Variants in SPTBN4 observed in about 807,000 individuals in gnomAD.
SPTBN4 encodes the protein spectrin beta, non-erythrocytic 4.
A neutral mutation model predicts 277.8 loss-of-function variants in SPTBN4; 96 were observed. The observed-to-expected ratio is 0.35, with a 90% CI of 0.29 to 0.41. SPTBN4 has a LOEUF of 0.41. Among genes scored for constraint, SPTBN4 ranks in the 10% least tolerant of loss-of-function variants. SPTBN4 has a pLI of 1.00. For synonymous variants in SPTBN4, 1,481 were observed against 1,580.3 expected (o/e 0.94, Z 1.49); for missense variants, 3,006 against 3,595.7 (o/e 0.84, Z 4.19).
At chr19:40,572,298 C>G (rs2145962573) in intron 34 of SPTBN4, 40 bp from the exon 35 acceptor site, 2 of 1,612,710 alleles carry the variant, frequency 1.2e-6, no homozygotes, top group South Asian at 1.1e-5. Flanking sequence ...GGGCTGGGCC[C>G]CTTCCCCAGA....
chr19:40,554,653 G>A lies in SPTBN4; in HGVS notation c.5084+7G>A. On this transcript the variant is annotated splice_region_variant and intron_variant, in intron 24 of 35. Coordinates refer to ENST00000598249, the MANE Select transcript of SPTBN4 (RefSeq NM_020971.3). The surrounding 1 kb of genome is among the most constrained non-coding windows in gnomAD (Gnocchi z 5.7). ...AGATGGGGCACCCGGACAGGTGGGC[G>A]GGCGCGTGGCCAGTTCACAGGAATG... 6.3e-7 allele frequency: 1 copy of A among 1,589,212 alleles called. No homozygotes were observed. Among genetic ancestry groups the A allele is most frequent in the Non-Finnish European group, 8.6e-7 (1 of 1,168,060 alleles).
At chr19:40,486,252 T>C (rs1001981040) in intron 2 of SPTBN4, among the ~76,000 whole-genome samples, 3 of 151,910 alleles carry the variant, frequency 2.0e-5, no homozygotes, top group African/African-American at 7.3e-5. Flanking sequence ...GATTGCACCA[T>C]TGCATTCCAG....
In SPTBN4 at chr19:40,561,925, G is replaced by A. The variant is rs561774166; in HGVS notation, c.5915+1522G>A. Among the ~76,000 whole-genome samples the A allele has an allele frequency of 4.6e-5, 7 of 152,278 alleles. No homozygotes were observed. The South Asian group carries it at 8.3e-4, about 18-fold the overall frequency. Reference sequence around the variant, plus strand: ...TGGCAAAGTCTCTCTGAGGATGTGCGTTTGACTGGAGACCTGAATGAAGTG... The same window carrying A: ...TGGCAAAGTCTCTCTGAGGATGTGCATTTGACTGGAGACCTGAATGAAGTG... On this transcript the variant is annotated intron_variant, in intron 27 of 35. Coordinates refer to ENST00000598249, the MANE Select transcript of SPTBN4 (RefSeq NM_020971.3).
chr19:40,481,250 C>T (rs1406652804), intron 2 of SPTBN4, among the ~76,000 whole-genome samples: 1 of 152,076 alleles, frequency 6.6e-6, no homozygotes, highest in Non-Finnish European at 1.5e-5. Flanking sequence ...GAGACAAGGT[C>T]CCGCTATGTT....
At chr19:40,520,894 A>G (rs978137767) in intron 16 of SPTBN4, among the ~76,000 whole-genome samples, 9 of 150,872 alleles carry the variant, frequency 6.0e-5, no homozygotes, top group African/African-American at 9.7e-5. Flanking sequence ...ATGCTGACCC[A>G]GTTTGAGGAT....
intron 35 of SPTBN4, among the ~76,000 whole-genome samples, chr19:40,573,456 G>C (rs2081172555): frequency 6.6e-6 from 1 of 152,250 alleles, no homozygotes; most frequent in Non-Finnish European, 1.5e-5. Context: ...AGGTGTCTCA[G>C]GACAGGATGG....
chr19:40,533,588 G>T (rs1342080263), intron 19 of SPTBN4, among the ~76,000 whole-genome samples: 1 of 152,156 alleles, frequency 6.6e-6, no homozygotes, highest in Non-Finnish European at 1.5e-5. Context: ...ATAAATGGTG[G>T]CATATGGCGA....
At chr19:40,488,584 A>G (rs1156785149) in intron 3 of SPTBN4, among the ~76,000 whole-genome samples, 2 of 152,082 alleles carry the variant, frequency 1.3e-5, no homozygotes, top group Non-Finnish European at 2.9e-5. Context: ...TGAGCTCAGG[A>G]GTTTCAGAAC....
chr19:40,507,661 C>T (rs1250648382), intron 13 of SPTBN4, among the ~76,000 whole-genome samples: 3 of 152,092 alleles, frequency 2.0e-5, no homozygotes, highest in African/African-American at 4.8e-5. Context: ...GGTGAAACTC[C>T]GTCTCTTCTA....
At chr19:40,527,036 G>C (rs2080600698) in intron 17 of SPTBN4, among the ~76,000 whole-genome samples, 1 of 152,204 alleles carries the variant, frequency 6.6e-6, no homozygotes, top group South Asian at 2.1e-4. Context: ...CCTAAGCTAA[G>C]TTGGGCAGGA....
At chr19:40,511,997 G>A (rs138743156) in intron 13 of SPTBN4, among the ~76,000 whole-genome samples, 5 of 152,222 alleles carry the variant, frequency 3.3e-5, no homozygotes, top group African/African-American at 7.2e-5. Flanking sequence ...GGTGGCGGGC[G>A]CCTGTAATCC....
In SPTBN4 at chr19:40,517,287, CT is replaced by C. The variant is rs111288089; in HGVS notation, c.2903+1852del. ...TATGTTTGACTTCAAAGACTGTGCT[CT>C]TTTTTTTTTTTTCTTTCTTGAGACA... On this transcript the variant is annotated intron_variant, in intron 15 of 35. Transcript: ENST00000598249. Among the ~76,000 whole-genome samples, 1,323 of 145,374 alleles carry C rather than the reference CT, an allele frequency of 9.1e-3. 16 individuals carry two copies. The highest frequency in any genetic ancestry group is 0.012 in the Non-Finnish European group (804 of 65,712).
chr19:40,534,475 G>A, intron 20 of SPTBN4, 132 bp downstream of exon 20: 1 of 1,248,776 alleles, frequency 8.0e-7, no homozygotes, highest in South Asian at 1.6e-5. Flanking sequence ...TAGAAGATGA[G>A]AAAGGGAATA....
chr19:40,493,831 A>T (rs1178761714), intron 5 of SPTBN4, among the ~76,000 whole-genome samples: 1 of 152,216 alleles, frequency 6.6e-6, no homozygotes, highest in Admixed American at 6.5e-5. Flanking sequence ...AACTGTCCCC[A>T]GCCTGCTCTC....
chr19:40,506,176 G>A lies in SPTBN4; in HGVS notation c.1666-60G>A, dbSNP rs2080327666. 3.9e-6 allele frequency: 6 copies of A among 1,551,834 alleles called. No individual in the cohort carries two copies. The East Asian group carries it at 1.4e-4, about 35-fold the overall frequency. ...AGCAGGGGCTGGCATAGGCAATGGG[G>A]GAGAGGTGAGTGGCCCAGGGCAGTG... On this transcript the variant is annotated intron_variant, in intron 12 of 35. Transcript: ENST00000598249.
At chr19:40,479,171 C>G (rs1402427805) in intron 2 of SPTBN4, among the ~76,000 whole-genome samples, 2 of 152,150 alleles carry the variant, frequency 1.3e-5, no homozygotes, top group Non-Finnish European at 2.9e-5. Flanking sequence ...TATCACGGCT[C>G]ACTGCAGCCT....
At chr19:40,526,466 C>T (rs1313698007) in intron 17 of SPTBN4, among the ~76,000 whole-genome samples, 9 of 151,996 alleles carry the variant, frequency 5.9e-5, no homozygotes, top group Admixed American at 1.3e-4. Flanking sequence ...GCCACCGCGC[C>T]GGCCGCTAGG....
chr19:40,570,668 A>T lies in SPTBN4; in HGVS notation c.7259A>T (p.Gln2420Leu). The T allele has an allele frequency of 6.2e-7, 1 of 1,601,588 alleles. No individual in the cohort carries two copies. The highest frequency in any genetic ancestry group is 1.1e-5 in the South Asian group (1 of 89,590). ...APPPPPTHTV[Q>L]HEGFLLRKRE... The stretch of plus-strand genomic sequence containing the variant: ...CCGCCACCGCCCACTCACACAGTGC[A>T]GCACGAGGGCTTCCTACTGCGCAAG... The change falls in exon 33 of 36, where the codon CAG becomes CTG. Residue 2420 changes from glutamine (Q) to leucine (L), a missense_variant. This residue lies in a region of SPTBN4 where 630 missense variants were observed against 677.6 expected (regional missense o/e 0.93). Transcript: ENST00000598249.
At position 40,554,856 on chromosome 19, in the gene SPTBN4, T is replaced by C. The variant is rs1159271117; in HGVS notation, c.5084+210T>C. ...GAGGGTGGGGCCAGGAGCACCTGGA[T>C]TTGAGTGTAGTAGTGGGGACCTTGT... On this transcript the variant is annotated intron_variant, in intron 24 of 35. Transcript: ENST00000598249. The surrounding 1 kb of genome is among the most constrained non-coding windows in gnomAD (Gnocchi z 5.7). The C allele has an allele frequency of 7.6e-6, 5 of 660,338 alleles. No individual in the cohort carries two copies. The highest frequency in any genetic ancestry group is 1.3e-5 in the Non-Finnish European group (5 of 396,322). The allele number at this position is 660,338 out of a possible 1,614,324, so 40.9% of individuals were successfully genotyped here.
Sources: allele counts gnomAD v4.1 joint callset (sites outside exome capture counted in the v4.1 genomes callset), GRCh38; gene constraint gnomAD v4.1.1; regional missense constraint gnomAD v4.1.1; non-coding constraint Gnocchi (gnomAD v3.1); transcripts MANE v1.5; gene names NCBI Gene and HGNC (gene_info 2026-07-23, HGNC 2026-07-21).